Variants in VPS37C observed in about 807,000 individuals in gnomAD.
VPS37C encodes VPS37C subunit of ESCRT-I, also known as vacuolar protein sorting-associated protein 37C.
A neutral mutation model predicts 16.1 loss-of-function variants in VPS37C; 9 were observed. The ratio of observed to expected loss-of-function variants is 0.56; its 90% CI spans 0.34 to 0.97. The LOEUF is 0.97. VPS37C is among the 50% of genes least tolerant of loss of function. The pLI is 0.02. For synonymous variants in VPS37C, 207 were observed against 206.4 expected (o/e 1.00, Z -0.02); for missense variants, 479 against 472.7 (o/e 1.01, Z -0.12).
intron 3 of VPS37C, 89 bp from the exon 4 acceptor site, chr11:61,133,426 G>A (rs1449225590): frequency 7.5e-7 from 1 of 1,338,502 alleles, no homozygotes; most frequent in African/African-American, 1.4e-5. Context: ...TGTGCATCCA[G>A]GCCCAGCCAC....
At chr11:61,158,159 T>A (rs115590491) in intron 1 of VPS37C, among the ~76,000 whole-genome samples, 3 of 152,338 alleles carry the variant, frequency 2.0e-5, no homozygotes, top group African/African-American at 4.8e-5. Flanking sequence ...ATAAAGAAGG[T>A]CAATTCATAC....
chr11:61,146,169 C>A (rs1853204362), intron 1 of VPS37C, among the ~76,000 whole-genome samples: 1 of 152,174 alleles, frequency 6.6e-6, no homozygotes, highest in African/African-American at 2.4e-5. Context: ...TTCCCCTTAC[C>A]CCCGCCTGCT....
At chr11:61,155,923 A>G (rs975124622) in intron 1 of VPS37C, among the ~76,000 whole-genome samples, 3 of 152,262 alleles carry the variant, frequency 2.0e-5, no homozygotes, top group Admixed American at 6.5e-5. Flanking sequence ...GTGTAGAAGT[A>G]AAACAGGTGA....
chr11:61,157,684 C>T (rs1212425877), intron 1 of VPS37C, among the ~76,000 whole-genome samples: 2 of 152,164 alleles, frequency 1.3e-5, no homozygotes, highest in Non-Finnish European at 2.9e-5. Context: ...TAATATCAGA[C>T]AAAGTAGATT....
In VPS37C at chr11:61,134,108, A is replaced by C. The variant is rs1287002764; in HGVS notation, c.193T>G (p.Ser65Ala). 1.2e-6 allele frequency: 2 copies of C among 1,613,898 alleles called. No homozygotes were observed. Among genetic ancestry groups the C allele is most frequent in the Non-Finnish European group, 1.7e-6 (2 of 1,179,944 alleles). ...EFQGPLEISR[S>A]NLSDRYQELR... ...TCCTGGTATCTATCCGAGAGGTTTG[A>C]GCGGCTGATCTCCAGGGGACCCTGG... The change falls in exon 3 of 5, where the codon TCA becomes GCA. Residue 65 changes from serine to alanine, a missense_variant. Ser to Ala is a moderately conservative substitution (Grantham distance 99). Coordinates refer to ENST00000301765, the MANE Select transcript of VPS37C (RefSeq NM_017966.5).
chr11:61,133,773 G>A (rs1472767861), intron 3 of VPS37C, among the ~76,000 whole-genome samples: 1 of 152,138 alleles, frequency 6.6e-6, no homozygotes, highest in Non-Finnish European at 1.5e-5. Context: ...AGCTGCCAAG[G>A]GTAACGGCAG....
chr11:61,161,067 C>G (rs1402557654), intron 1 of VPS37C: 4 of 152,288 alleles, frequency 2.6e-5, no homozygotes, highest in Admixed American at 6.5e-5. Flanking sequence ...GAATTGTGAC[C>G]GCAAGATGCT....
intron 2 of VPS37C, among the ~76,000 whole-genome samples, chr11:61,135,984 CAT>C (rs1861363908): frequency 6.6e-6 from 1 of 152,214 alleles, no homozygotes; most frequent in African/African-American, 2.4e-5. Flanking sequence ...TGGGTAGAAA[CAT>C]ATAGGTAGAT....
At chr11:61,134,906 C>T (rs1335292426) in intron 2 of VPS37C, among the ~76,000 whole-genome samples, 1 of 152,238 alleles carries the variant, frequency 6.6e-6, no homozygotes, top group African/African-American at 2.4e-5. Flanking sequence ...GCCAGTGAGA[C>T]AGAAGCCAAG....
Position 61,131,385 on chromosome 11 carries a change from C to CAT in VPS37C, c.*433_*434dup, listed in dbSNP as rs1590781095. Reference sequence around the variant, plus strand: ...AGACACCAACAGCTGCATCCCTTGGCATGGGGCTCCATGTCAAATATGCCA... The same window carrying CAT: ...AGACACCAACAGCTGCATCCCTTGGCATATGGGGCTCCATGTCAAATATGCCA... On this transcript the variant is annotated 3_prime_UTR_variant, in exon 5 of 5. Transcript: ENST00000301765. 6.2e-6 allele frequency: 1 copy of CAT among 161,296 alleles called. No individual in the cohort carries two copies. Among genetic ancestry groups the CAT allele is most frequent in the African/African-American group, 2.4e-5 (1 of 41,840 alleles). The allele number at this position is 161,296 out of a possible 1,614,324, so 10.0% of individuals were successfully genotyped here.
At chr11:61,150,108 A>C (rs1853274661) in intron 1 of VPS37C, among the ~76,000 whole-genome samples, 1 of 148,958 alleles carries the variant, frequency 6.7e-6, no homozygotes, top group East Asian at 2.0e-4. Flanking sequence ...CTAGATCTCC[A>C]CTCCTCTCAC....
intron 1 of VPS37C, among the ~76,000 whole-genome samples, chr11:61,155,486 G>A (rs1853364258): frequency 6.6e-6 from 1 of 152,034 alleles, no homozygotes; most frequent in Non-Finnish European, 1.5e-5. Flanking sequence ...ATGACAGAGT[G>A]AGATTCTGCC....
intron 1 of VPS37C, among the ~76,000 whole-genome samples, chr11:61,153,828 A>G (rs894660634): frequency 2.0e-5 from 3 of 152,204 alleles, no homozygotes; most frequent in Non-Finnish European, 4.4e-5. Context: ...CCAGAAACCT[A>G]CAGAGGGTCC....
chr11:61,142,196 T>C (rs1462037385), intron 1 of VPS37C, among the ~76,000 whole-genome samples: 2 of 152,262 alleles, frequency 1.3e-5, no homozygotes, highest in Admixed American at 1.3e-4. Flanking sequence ...ATGTGGATTA[T>C]AGCTATCGGT....
At position 61,131,578 on chromosome 11, in the gene VPS37C, A is replaced by C; in HGVS notation, c.*242T>G. ...AGAGGTGCTGGACTCCAGCCTGGCT[A>C]GCACCGCTGCAGCCAGGCACTGAAA... On this transcript the variant is annotated 3_prime_UTR_variant, in exon 5 of 5. Transcript: ENST00000301765. 2.2e-6 allele frequency: 1 copy of C among 444,480 alleles called. No individual in the cohort carries two copies. The highest frequency in any genetic ancestry group is 3.7e-6 in the Non-Finnish European group (1 of 271,448). The allele number at this position is 444,480 out of a possible 1,614,324, so 27.5% of individuals were successfully genotyped here.
In VPS37C at chr11:61,131,664, C is replaced by T. The variant is rs114765627; in HGVS notation, c.*156G>A. On this transcript the variant is annotated 3_prime_UTR_variant, in exon 5 of 5. Transcript: ENST00000301765. ...CAGCAAGTGCCATGACCAGTCACACCGCCCAGTGCCTTGTCCCTCCAAGGC... is the reference window on the plus strand; with the variant it reads ...CAGCAAGTGCCATGACCAGTCACACTGCCCAGTGCCTTGTCCCTCCAAGGC... The T allele has an allele frequency of 4.9e-4, 529 of 1,068,702 alleles. 2 individuals carry two copies. The African/African-American group carries it at 8.0e-3, about 16-fold the overall frequency. 66.2% of individuals were successfully genotyped at this position (1,068,702 alleles called of 1,614,324 possible). A position where few individuals can be genotyped will look rare whatever the true frequency, so the allele number is the denominator to read the frequency against.
chr11:61,133,242 C>T lies in VPS37C; in HGVS notation c.348+13G>A. Reference sequence around the variant, plus strand: ...CCCGTCCAGGGAAGAGGGGTGTCGCCTCGCCCTCTCACCTCGGACTCTTCT... The same window carrying T: ...CCCGTCCAGGGAAGAGGGGTGTCGCTTCGCCCTCTCACCTCGGACTCTTCT... On this transcript the variant is annotated intron_variant, in intron 4 of 4. Transcript: ENST00000301765. 6.2e-7 allele frequency: 1 copy of T among 1,613,880 alleles called. No individual in the cohort carries two copies.
intron 1 of VPS37C, among the ~76,000 whole-genome samples, chr11:61,148,344 G>C (rs1351405917): frequency 6.6e-6 from 1 of 152,156 alleles, no homozygotes; most frequent in Non-Finnish European, 1.5e-5. Flanking sequence ...TATGGTACCA[G>C]AAGAAGCTGT....
In VPS37C at chr11:61,153,050, G is replaced by A. The variant is rs138985068; in HGVS notation, c.-7+8341C>T. ...GCTCCCCAAGGGCACAGCCCATGTC[G>A]TGTTTGTTTCTGCATCCCAGCGCCT... On this transcript the variant is annotated intron_variant, in intron 1 of 4. Coordinates refer to ENST00000301765, the MANE Select transcript of VPS37C (RefSeq NM_017966.5). 7.7e-3 allele frequency among the ~76,000 whole-genome samples: 1,180 copies of A among 152,294 alleles called. 21 individuals are homozygous for A. Among genetic ancestry groups the A allele is most frequent in the African/African-American group, 0.025 (1,051 of 41,570 alleles).
Sources: allele counts gnomAD v4.1 joint callset (sites outside exome capture counted in the v4.1 genomes callset), GRCh38; gene constraint gnomAD v4.1.1; transcripts MANE v1.5; gene names NCBI Gene and HGNC (gene_info 2026-07-23, HGNC 2026-07-21).